The following GRIK2 variants were observed in gnomAD, a reference collection of about 807,000 sequenced individuals.
GRIK2 encodes the protein glutamate receptor ionotropic, kainate 2.
GRIK2 carries 32 observed loss-of-function variants against 100.3 expected under a neutral mutation model. That is an observed-to-expected ratio of 0.32 (90% CI 0.24 to 0.43). The LOEUF is 0.43. Among genes scored for constraint, GRIK2 ranks in the 20% least tolerant of loss-of-function variants. GRIK2 has a pLI of 1.00. For missense variants in GRIK2, 843 were observed against 1,114.9 expected, an observed-to-expected ratio of 0.76 and a Z score of 3.47; for synonymous variants, 417 against 389.4, an observed-to-expected ratio of 1.07 and a Z score of -0.83.
chr6:101,674,385 A>T (rs1402765225), intron 4 of GRIK2, among the ~76,000 whole-genome samples: 1 of 152,122 alleles, frequency 6.6e-6, no homozygotes, highest in Non-Finnish European at 1.5e-5. Context: ...CTGCAAGAAT[A>T]CTCTGGTTTA....
intron 2 of GRIK2, among the ~76,000 whole-genome samples, chr6:101,429,267 G>A (rs1769238847): frequency 6.6e-6 from 1 of 152,140 alleles, no homozygotes; most frequent in African/African-American, 2.4e-5. Context: ...GTTCAGAGGG[G>A]AATCAAATTG....
chr6:101,835,248 T>C (rs2128430274), intron 10 of GRIK2, among the ~76,000 whole-genome samples: 1 of 152,294 alleles, frequency 6.6e-6, no homozygotes, highest in Non-Finnish European at 1.5e-5. Context: ...CTAGCCAGTT[T>C]TATTTTAACT....
At chr6:101,970,705 C>T (rs1792993341) in intron 14 of GRIK2, among the ~76,000 whole-genome samples, 1 of 150,976 alleles carries the variant, frequency 6.6e-6, no homozygotes, top group South Asian at 2.1e-4. Context: ...CAGATGTGAA[C>T]ATCTGTAAAC....
intron 14 of GRIK2, among the ~76,000 whole-genome samples, chr6:101,974,907 T>A (rs964956567): frequency 3.3e-5 from 5 of 151,934 alleles, no homozygotes; most frequent in African/African-American, 1.2e-4. Flanking sequence ...AAAATCGAAT[T>A]GAATTTAACT....
intron 7 of GRIK2, among the ~76,000 whole-genome samples, chr6:101,698,481 A>T (rs1356514209): frequency 6.6e-6 from 1 of 152,142 alleles, no homozygotes; most frequent in Non-Finnish European, 1.5e-5. Context: ...AAAAGAACTC[A>T]TACATATTTT....
intron 4 of GRIK2, among the ~76,000 whole-genome samples, chr6:101,630,871 T>C (rs916284299): frequency 2.0e-5 from 3 of 152,164 alleles, no homozygotes; most frequent in African/African-American, 7.2e-5. Context: ...TATTTCCTTT[T>C]TCCTTTCCAT....
chr6:101,962,171 G>T (rs1792346362), intron 14 of GRIK2, among the ~76,000 whole-genome samples: 1 of 152,112 alleles, frequency 6.6e-6, no homozygotes, highest in Non-Finnish European at 1.5e-5. Context: ...ATCTCTGCCA[G>T]ACTCTTGCTT....
chr6:101,793,978 A>G lies in GRIK2; in HGVS notation c.952-5670A>G, dbSNP rs535305892. On this transcript the variant is annotated intron_variant, in intron 7 of 16. Coordinates refer to ENST00000369134, the MANE Select transcript of GRIK2 (RefSeq NM_021956.5). ...TTGATCTCAGACTTCTGTGCTAGCA[A>G]TCAGCGAGACTCCATGGGCGTAGGA... Among the ~76,000 whole-genome samples the G allele has an allele frequency of 5.8e-4, 88 of 152,024 alleles. 1 individual carries two copies. The highest frequency in any genetic ancestry group is 1.1e-3 in the Non-Finnish European group (72 of 67,988).
chr6:101,745,279 A>G (rs1314896536), intron 7 of GRIK2: 1 of 152,180 alleles, frequency 6.6e-6, no homozygotes, highest in African/African-American at 2.4e-5. Context: ...TTTTGGATTT[A>G]TACACTTTAG....
At chr6:101,631,004 G>A (rs1780719288) in intron 4 of GRIK2, among the ~76,000 whole-genome samples, 1 of 151,910 alleles carries the variant, frequency 6.6e-6, no homozygotes, top group Non-Finnish European at 1.5e-5. Context: ...AAAACAGATG[G>A]GATGATAAAT....
At chr6:101,433,015 A>T (rs780785165) in intron 2 of GRIK2, among the ~76,000 whole-genome samples, 6 of 152,162 alleles carry the variant, frequency 3.9e-5, no homozygotes, top group Non-Finnish European at 8.8e-5. Context: ...AGAGACTCAG[A>T]GGTCGAGTGT....
At chr6:101,842,327 C>T (rs1160095653) in intron 10 of GRIK2, among the ~76,000 whole-genome samples, 1 of 152,090 alleles carries the variant, frequency 6.6e-6, no homozygotes, top group South Asian at 2.1e-4. Flanking sequence ...TCTCCATTTA[C>T]CTAATTCATA....
intron 12 of GRIK2, among the ~76,000 whole-genome samples, chr6:101,913,138 C>G (rs1416904103): frequency 6.6e-6 from 1 of 151,570 alleles, no homozygotes; most frequent in African/African-American, 2.4e-5. Flanking sequence ...CATACAAATA[C>G]TCTTTGTCCA....
chr6:101,636,347 T>G lies in GRIK2; in HGVS notation c.541+9710T>G, dbSNP rs140919400. ...GGGGCACATCACACACTGGGGCCTG[T>G]CAGGGGGTGAGGGAGTAGGAGAGGG... On this transcript the variant is annotated intron_variant, in intron 4 of 16. Coordinates refer to ENST00000369134, the MANE Select transcript of GRIK2 (RefSeq NM_021956.5). 5.5e-3 allele frequency among the ~76,000 whole-genome samples: 837 copies of G among 152,060 alleles called. 4 individuals carry two copies. The highest frequency in any genetic ancestry group is 9.5e-3 in the Non-Finnish European group (645 of 67,976).
chr6:101,727,987 T>G (rs967758005), intron 7 of GRIK2, among the ~76,000 whole-genome samples: 1 of 152,036 alleles, frequency 6.6e-6, no homozygotes, highest in African/African-American at 2.4e-5. Flanking sequence ...AATTAAGGAA[T>G]GACTCATGTG....
At chr6:101,468,652 A>T (rs963426724) in intron 2 of GRIK2, among the ~76,000 whole-genome samples, 7 of 152,154 alleles carry the variant, frequency 4.6e-5, no homozygotes, top group Admixed American at 2.0e-4. Flanking sequence ...CCTCTTTGAA[A>T]CGGGTACGAT....
At chr6:101,681,494 C>G (rs1411969970) in intron 5 of GRIK2, among the ~76,000 whole-genome samples, 1 of 150,322 alleles carries the variant, frequency 6.7e-6, no homozygotes, top group Non-Finnish European at 1.5e-5. Flanking sequence ...CTTGGTTTCC[C>G]GAAGTCCAGG....
At chr6:101,438,575 A>G (rs976274164) in intron 2 of GRIK2, among the ~76,000 whole-genome samples, 1 of 152,124 alleles carries the variant, frequency 6.6e-6, no homozygotes. Context: ...TAATGTAGCC[A>G]CATTGTGAGA....
chr6:101,955,485 C>T (rs536319923), intron 14 of GRIK2, among the ~76,000 whole-genome samples: 39 of 151,712 alleles, frequency 2.6e-4, no homozygotes, highest in Admixed American at 9.9e-4. Context: ...GGTGAGTTCC[C>T]ATATCTAAAA....
Sources: gnomAD v4.1 joint callset for allele counts (sites outside exome capture counted in the v4.1 genomes callset) on GRCh38, gnomAD v4.1.1 for gene constraint, MANE v1.5 for transcripts, NCBI Gene and HGNC (gene_info 2026-07-23, HGNC 2026-07-21) for gene names.